OPCML: variants seen among roughly 807,000 people sequenced by gnomAD.
OPCML encodes the protein opioid-binding protein/cell adhesion molecule.
In OPCML, 13 loss-of-function variants were observed where a neutral mutation model predicts 37.8. That is an observed-to-expected ratio of 0.34 (90% CI 0.22 to 0.55). OPCML has a LOEUF of 0.55. OPCML is among the 20% of genes least tolerant of loss of function. OPCML has a pLI of 0.91. For missense variants in OPCML, 341 were observed against 435.6 expected, an observed-to-expected ratio of 0.78 and a Z score of 1.93; for synonymous variants, 176 against 168.8, an observed-to-expected ratio of 1.04 and a Z score of -0.33.
intron 1 of OPCML, among the ~76,000 whole-genome samples, chr11:133,252,984 A>G (rs913733085): frequency 6.6e-6 from 1 of 152,030 alleles, no homozygotes; most frequent in Non-Finnish European, 1.5e-5. Flanking sequence ...CGTCTCTACT[A>G]AAAATACAAA....
At position 133,155,416 on chromosome 11, in the gene OPCML, G is replaced by T. The variant is rs550512989; in HGVS notation, c.62-212406C>A. On this transcript the variant is annotated intron_variant, in intron 1 of 7. Transcript: ENST00000524381. ...TTTCACCACCCGTCTCCTTCTTAGG[G>T]ATCATTCTGACCACTCTGTCCTCCA... 5.8e-4 allele frequency among the ~76,000 whole-genome samples: 89 copies of T among 152,158 alleles called. 1 individual carries two copies. Among genetic ancestry groups the T allele is most frequent in the African/African-American group, 2.1e-3 (88 of 41,528 alleles).
chr11:133,420,432 TCA>T (rs1565624951), intron 1 of OPCML: 2 of 985,358 alleles, frequency 2.0e-6, no homozygotes, highest in African/African-American at 3.5e-5. Flanking sequence ...CAGTTGAATT[TCA>T]GTTTGTTTTC....
At chr11:133,320,493 A>G (rs1466777468) in intron 1 of OPCML, among the ~76,000 whole-genome samples, 1 of 152,198 alleles carries the variant, frequency 6.6e-6, no homozygotes, top group East Asian at 1.9e-4. Flanking sequence ...TTGTAATTAA[A>G]TGAGAAAATT....
intron 1 of OPCML, among the ~76,000 whole-genome samples, chr11:133,456,368 G>C (rs753872539): frequency 6.6e-6 from 1 of 151,998 alleles, no homozygotes; most frequent in Non-Finnish European, 1.5e-5. Flanking sequence ...GGCTGATCCC[G>C]AGGCTGAAAG....
intron 4 of OPCML, among the ~76,000 whole-genome samples, chr11:132,515,162 C>G (rs2137206917): frequency 6.6e-6 from 1 of 152,234 alleles, no homozygotes; most frequent in East Asian, 1.9e-4. Flanking sequence ...AAATCTTTCT[C>G]TTAGGAAGCA....
intron 1 of OPCML, among the ~76,000 whole-genome samples, chr11:133,157,175 A>G (rs2137206159): frequency 6.6e-6 from 1 of 152,352 alleles, no homozygotes; most frequent in East Asian, 1.9e-4. Context: ...CTGAAGGACA[A>G]GAAAAAGTCG....
intron 3 of OPCML, among the ~76,000 whole-genome samples, chr11:132,624,783 G>A (rs950905504): frequency 5.3e-5 from 8 of 152,152 alleles, no homozygotes; most frequent in Non-Finnish European, 4.4e-5. Flanking sequence ...TTACGTGTCC[G>A]AAACAAATCC....
chr11:133,220,344 A>T (rs1229485712), intron 1 of OPCML, among the ~76,000 whole-genome samples: 1 of 152,212 alleles, frequency 6.6e-6, no homozygotes, highest in Admixed American at 6.5e-5. Flanking sequence ...GCATTAACCC[A>T]AGAAGTCCAT....
intron 4 of OPCML, among the ~76,000 whole-genome samples, chr11:132,455,619 G>A (rs1021353798): frequency 6.6e-6 from 1 of 152,032 alleles, no homozygotes; most frequent in African/African-American, 2.4e-5. Context: ...TTTTCAAAAC[G>A]GTCTCAGTGT....
intron 1 of OPCML, among the ~76,000 whole-genome samples, chr11:132,969,255 T>C (rs546529005): frequency 6.6e-6 from 1 of 152,352 alleles, no homozygotes; most frequent in East Asian, 1.9e-4. Context: ...TCTACTGCCT[T>C]ATAGTCTCCA....
intron 1 of OPCML, among the ~76,000 whole-genome samples, chr11:133,289,906 G>A (rs898997869): frequency 5.3e-5 from 8 of 152,090 alleles, no homozygotes; most frequent in African/African-American, 1.4e-4. Flanking sequence ...GGGGATTAAC[G>A]TCCATTTCCC....
At chr11:132,737,136 C>G (rs1474448023) in intron 2 of OPCML, among the ~76,000 whole-genome samples, 1 of 152,164 alleles carries the variant, frequency 6.6e-6, no homozygotes, top group Non-Finnish European at 1.5e-5. Context: ...AACAGACTGC[C>G]TAGTCTCCAA....
rs541327203 is a variant in OPCML, at chr11:133,362,395, C to T, written c.61+169869G>A. ...ACGGTGTCTCTTCCCTTCCCGCCTC[C>T]CCTCGGAGGCTGCCTCCCCTCGGAC... On this transcript the variant is annotated intron_variant, in intron 1 of 7. Coordinates refer to ENST00000524381, the MANE Select transcript of OPCML (RefSeq NM_001012393.5). Among the ~76,000 whole-genome samples the T allele has an allele frequency of 6.6e-5, 10 of 152,272 alleles. No homozygotes were observed. In the East Asian group the frequency reaches 1.9e-3, roughly 29 times the overall value.
intron 2 of OPCML, among the ~76,000 whole-genome samples, chr11:132,677,354 A>G (rs1374150005): frequency 1.3e-5 from 2 of 152,172 alleles, no homozygotes; most frequent in African/African-American, 4.8e-5. Flanking sequence ...TGGAATTCCA[A>G]TTAAAATCCC....
intron 3 of OPCML, among the ~76,000 whole-genome samples, chr11:132,560,743 C>T (rs777308666): frequency 6.6e-6 from 1 of 152,084 alleles, no homozygotes; most frequent in Non-Finnish European, 1.5e-5. Context: ...TGAGAACTGT[C>T]TATTCATGTT....
intron 1 of OPCML, among the ~76,000 whole-genome samples, chr11:133,217,709 A>C (rs1231395562): frequency 6.6e-6 from 1 of 152,090 alleles, no homozygotes; most frequent in Non-Finnish European, 1.5e-5. Context: ...GAGGTTTAAG[A>C]GTTTTTCATT....
At chr11:133,006,300 G>T in intron 1 of OPCML, 1 of 526,276 alleles carries the variant, frequency 1.9e-6, no homozygotes, top group Non-Finnish European at 2.4e-6. Flanking sequence ...GAGATTCCCT[G>T]TTTCCCTTTT....
At chr11:132,856,137 T>G (rs1424221114) in intron 2 of OPCML, among the ~76,000 whole-genome samples, 1 of 152,186 alleles carries the variant, frequency 6.6e-6, no homozygotes, top group African/African-American at 2.4e-5. Flanking sequence ...GCATAAAAAT[T>G]TGCTTTATAA....
intron 6 of OPCML, 167 bp from the exon 7 acceptor site, chr11:132,436,404 C>T (rs2096013234): frequency 1.0e-6 from 1 of 982,034 alleles, no homozygotes; most frequent in Admixed American, 6.2e-5. Flanking sequence ...GATAAATGTA[C>T]TGGCTTCTAA....
Sources: gnomAD v4.1 joint callset for allele counts (sites outside exome capture counted in the v4.1 genomes callset) on GRCh38, gnomAD v4.1.1 for gene constraint, MANE v1.5 for transcripts, NCBI Gene and HGNC (gene_info 2026-07-23, HGNC 2026-07-21) for gene names.